Variants in CLUH observed in about 807,000 individuals in gnomAD.
CLUH encodes CLUH binding protein of NUMT mRNA.
Under a neutral mutation model 139.3 loss-of-function variants are expected in CLUH, and 77 were observed. The observed-to-expected ratio is 0.55, with a 90% CI of 0.46 to 0.67. The LOEUF (loss-of-function observed/expected upper bound fraction) is 0.67, where lower values mean the gene tolerates loss of function less well. CLUH is among the 30% of genes least tolerant of loss of function. CLUH has a pLI of 0.00. For missense variants in CLUH, 1,876 were observed against 1,875.8 expected, an observed-to-expected ratio of 1.00 and a Z score of 0.00; for synonymous variants, 999 against 801.6, an observed-to-expected ratio of 1.25 and a Z score of -4.16.
Position 2,696,439 on chromosome 17 carries a change from G to A in CLUH, c.2285C>T (p.Ser762Leu), listed in dbSNP as rs1314142869. ...GGCCGGCCCCCACCACCTGCCTGGT[G>A]AGAAGATGTCAGGATTGAAGCGAAT... ...FDIRFNPDIFSPGVRFPESCQ... is the reference protein window; with the variant it reads ...FDIRFNPDIFLPGVRFPESCQ... Residue 762 changes from serine (S) to leucine (L), a missense_variant, in exon 12 of 26, where the codon TCA (serine) becomes TTA (leucine). Transcript: ENST00000651024. 1.9e-6 allele frequency: 3 copies of A among 1,587,452 alleles called. No homozygotes were observed. The highest frequency in any genetic ancestry group is 1.8e-5 in the Admixed American group (1 of 56,244).
Position 2,691,973 on chromosome 17 carries a change from C to CCCCCGCCCCGCCCCCGCCCCGCCCCGCGG in CLUH, c.3654+30_3654+31insCCGCGGGGCGGGGCGGGGGCGGGGCGGGG, listed in dbSNP as rs755933672. On this transcript the variant is annotated intron_variant, in intron 23 of 25. Coordinates refer to ENST00000651024, the MANE Select transcript of CLUH (RefSeq NM_001366661.1). ...CCCGCCCCGCCACGCCCCCGCCCCG[C>CCCCCGCCCCGCCCCCGCCCCGCCCCGCGG]CCCCGCCCCCGCCACGCCCCCGCCG... is the stretch of plus-strand genomic sequence containing the variant. The CCCCCGCCCCGCCCCCGCCCCGCCCCGCGG allele has an allele frequency of 6.6e-6, 3 of 455,510 alleles. No homozygotes were observed. In the African/African-American group the frequency reaches 1.6e-4, roughly 24 times the overall value. 28.2% of individuals were successfully genotyped at this position (455,510 alleles called of 1,614,324 possible).
At chr17:2,708,514 C>G (rs1714448092) in intron 1 of CLUH, among the ~76,000 whole-genome samples, 1 of 152,060 alleles carries the variant, frequency 6.6e-6, no homozygotes, top group South Asian at 2.1e-4. Context: ...GAAACTGAGG[C>G]TCCAGAAGGC....
intron 8 of CLUH, 44 bp downstream of exon 8, chr17:2,700,634 G>A: frequency 6.6e-7 from 1 of 1,516,640 alleles, no homozygotes. Context: ...CAGCACCCAG[G>A]AGGGCAGGGG....
In CLUH at chr17:2,698,434, T is replaced by C; in HGVS notation, c.1423A>G (p.Lys475Glu). The change falls in exon 10 of 26, where the codon AAG (lysine) becomes GAG (glutamate). Residue 475 changes from lysine (K) to glutamate (E), a missense_variant. Physicochemically the swap from Lys to Glu is moderately conservative, Grantham distance 56 (BLOSUM62 1). This residue lies in a region of CLUH where 1,454 missense variants were observed against 1,384.4 expected (regional missense o/e 1.05). Transcript: ENST00000651024. Reference protein sequence around the residue: ...SLGFDVRDHYKDFGGDVAAYV... With the variant: ...SLGFDVRDHYEDFGGDVAAYV... Reference sequence around the variant, plus strand: ...GCCGCCACGTCCCCCCCGAAGTCCTTGTAGTGGTCTCGGACGTCGAAGCCC... The same window carrying C: ...GCCGCCACGTCCCCCCCGAAGTCCTCGTAGTGGTCTCGGACGTCGAAGCCC... The C allele has an allele frequency of 6.2e-7, 1 of 1,613,292 alleles. No homozygotes were observed. The highest frequency in any genetic ancestry group is 1.3e-5 in the African/African-American group (1 of 75,030).
Position 2,704,442 on chromosome 17 carries a change from C to A in CLUH, c.223G>T (p.Gly75Cys). The change falls in exon 2 of 26, where the codon GGC becomes TGC. Residue 75 changes from glycine (G) to cysteine (C), a missense_variant. By Grantham distance (159) the Gly-to-Cys change is radical. Around this residue, in one of 3 missense-constraint regions of CLUH, gnomAD observed 152 missense variants for 136.7 expected, o/e 1.11. Transcript: ENST00000651024. The surrounding 1 kb of genome is among the most constrained non-coding windows in gnomAD (Gnocchi z 5.7). Reference sequence around the variant, plus strand: ...TCCTGAATGACAATGACTTCCTGGCCGGTGGTCTCATCTCCCGGGCCGGCC... The same window carrying A: ...TCCTGAATGACAATGACTTCCTGGCAGGTGGTCTCATCTCCCGGGCCGGCC... ...DEAGPGDETT[G>C]QEVIVIQDTG... The A allele has an allele frequency of 6.2e-7, 1 of 1,608,886 alleles. No homozygotes were observed. Among genetic ancestry groups the A allele is most frequent in the Non-Finnish European group, 8.5e-7 (1 of 1,177,874 alleles).
rs374090140 is a variant in CLUH, at chr17:2,698,028, G to A, written c.1829C>T (p.Pro610Leu). Residue 610 changes from proline to leucine, a missense_variant, in exon 10 of 26, where the codon CCG becomes CTG. By Grantham distance (98) the Pro-to-Leu change is moderately conservative. This residue lies in a region of CLUH where 1,454 missense variants were observed against 1,384.4 expected (regional missense o/e 1.05). Transcript: ENST00000651024. Reference sequence around the variant, plus strand: ...AGGCACGGGCAGGAAGTTGAGGTCCGGGGGGAAGGTGCGCAGCAGGTCGAG... The same window carrying A: ...AGGCACGGGCAGGAAGTTGAGGTCCAGGGGGAAGGTGCGCAGCAGGTCGAG... ...YILDLLRTFPPDLNFLPVPGE... is the reference protein window; with the variant it reads ...YILDLLRTFPLDLNFLPVPGE... The A allele has an allele frequency of 1.2e-5, 20 of 1,604,168 alleles. No individual in the cohort carries two copies. The highest frequency in any genetic ancestry group is 4.0e-5 in the African/African-American group (3 of 75,016).
chr17:2,700,748 G>A lies in CLUH; in HGVS notation c.1103C>T (p.Ala368Val). Residue 368 changes from alanine to valine, a missense_variant, in exon 8 of 26, where the codon GCC (alanine) becomes GTC (valine). Coordinates refer to ENST00000651024, the MANE Select transcript of CLUH (RefSeq NM_001366661.1). ...YSWTAPQAEH[A>V]MDCVRAEDAY... ...GTCCTCTGCACGCACGCAATCCATG[G>A]CATGCTCCGCCTGGGGGGCTGTCCA... 6.5e-7 allele frequency: 1 copy of A among 1,545,542 alleles called. No individual in the cohort carries two copies.
At position 2,694,867 on chromosome 17, in the gene CLUH, C is replaced by T. The variant is rs374551796; in HGVS notation, c.2842G>A (p.Asp948Asn). 8.4e-5 allele frequency: 112 copies of T among 1,338,796 alleles called. No individual in the cohort carries two copies. The highest frequency in any genetic ancestry group is 2.0e-4 in the Middle Eastern group (1 of 4,992). The allele number at this position is 1,338,796 out of a possible 1,614,324, so 82.9% of individuals were successfully genotyped here. The change falls in exon 16 of 26, where the codon GAC (aspartate) becomes AAC (asparagine). Residue 948 changes from aspartate (D) to asparagine (N), a missense_variant. Asp to Asn is a conservative substitution (Grantham distance 23, BLOSUM62 1). Around this residue, in one of 3 missense-constraint regions of CLUH, gnomAD observed 1,454 missense variants for 1,384.4 expected, o/e 1.05. Coordinates refer to ENST00000651024, the MANE Select transcript of CLUH (RefSeq NM_001366661.1). ...CQEAKNYFDF[D>N]LECETVDQAV... ...CTGCCCCGCACGCACCACTCGAGGT[C>T]GAAGTCAAAGTAGTTCTTGGCCTCC...
intron 10 of CLUH, 48 bp from the exon 11 acceptor site, chr17:2,696,990 G>A (rs1272565091): frequency 2.1e-6 from 3 of 1,423,794 alleles, no homozygotes; most frequent in Admixed American, 2.4e-5. Flanking sequence ...ATCGGGGAGA[G>A]GAGCTCTGCT....
intron 9 of CLUH, among the ~76,000 whole-genome samples, chr17:2,699,739 C>A (rs2070107810): frequency 6.6e-6 from 1 of 151,830 alleles, no homozygotes; most frequent in South Asian, 2.1e-4. Flanking sequence ...TCAAGCAATT[C>A]TCCTGTCTCA....
In CLUH at chr17:2,696,228, T is replaced by C. The variant is rs2069935979; in HGVS notation, c.2322A>G (p.Glu774=). 4.4e-6 allele frequency: 7 copies of C among 1,576,264 alleles called. No homozygotes were observed. Among genetic ancestry groups the C allele is most frequent in the Non-Finnish European group, 6.0e-6 (7 of 1,161,618 alleles). Residue 774 remains glutamate, a synonymous_variant, in exon 13 of 26, where the codon GAA becomes GAG. Transcript: ENST00000651024. ...TCAGCAGCTGCTTCTGGTCCCGAAC[T>C]TCATCCTGGCAGGACTCAGGGAAAC... ...GVRFPESCQD[E]VRDQKQLLKD... is the part of the protein sequence containing the mutation.
rs914901397 is a variant in CLUH, at chr17:2,707,757, C to T, written c.101-3193G>A. On this transcript the variant is annotated intron_variant, in intron 1 of 25. Transcript: ENST00000651024. This position sits in a 1 kb window ranked among gnomAD's most constrained non-coding sequence, Gnocchi z 7.4. ...CCAGGCCATAAGGTGGCTGCCTCTG[C>T]CCACCAGTCCCAGACACTGAGCACC... 6.1e-6 allele frequency: 6 copies of T among 985,338 alleles called. No individual in the cohort carries two copies. Among genetic ancestry groups the T allele is most frequent in the African/African-American group, 1.7e-5 (1 of 57,254 alleles). 61.0% of individuals were successfully genotyped at this position (985,338 alleles called of 1,614,324 possible). A position where few individuals can be genotyped will look rare whatever the true frequency, so the allele number is the denominator to read the frequency against.
Position 2,711,736 on chromosome 17 carries a change from G to C in CLUH, c.-75C>G, listed in dbSNP as rs1431917783. ...CACTAACCCAAGTGCCCTGCGCGCC[G>C]CGGCTGCTGAGGGAAGGACGGAGTC... On this transcript the variant is annotated 5_prime_UTR_variant, in exon 1 of 26. Coordinates refer to ENST00000651024, the MANE Select transcript of CLUH (RefSeq NM_001366661.1). 3 of 623,678 alleles carry C rather than the reference G, an allele frequency of 4.8e-6. No homozygotes were observed. The highest frequency in any genetic ancestry group is 6.0e-6 in the Non-Finnish European group (3 of 499,570). 38.6% of individuals were successfully genotyped at this position (623,678 alleles called of 1,614,324 possible).
Position 2,701,346 on chromosome 17 carries a change from G to A in CLUH, c.899+20C>T. On this transcript the variant is annotated intron_variant, in intron 6 of 25. Coordinates refer to ENST00000651024, the MANE Select transcript of CLUH (RefSeq NM_001366661.1). The stretch of plus-strand genomic sequence containing the variant: ...ACGGCTGGCACGGCAGGGGGGTGTG[G>A]TGGGCTGGCAGGGACTCACTGATTC... 3.1e-6 allele frequency: 5 copies of A among 1,605,596 alleles called. No individual in the cohort carries two copies. The highest frequency in any genetic ancestry group is 1.3e-5 in the African/African-American group (1 of 74,906).
intron 10 of CLUH, 70 bp downstream of exon 10, chr17:2,697,826 C>G: frequency 7.2e-7 from 1 of 1,383,564 alleles, no homozygotes; most frequent in Non-Finnish European, 9.5e-7. Flanking sequence ...GACCCAACCC[C>G]GGATCCACCC....
At position 2,689,469 on chromosome 17, in the gene CLUH, G is replaced by A. The variant is rs989575734; in HGVS notation, c.*1125C>T. The A allele has an allele frequency of 5.9e-5, 9 of 152,692 alleles. No individual in the cohort carries two copies. The highest frequency in any genetic ancestry group is 2.2e-4 in the African/African-American group (9 of 41,460). 9.5% of individuals were successfully genotyped at this position (152,692 alleles called of 1,614,324 possible). A position where few individuals can be genotyped will look rare whatever the true frequency, so the allele number is the denominator to read the frequency against. ...AAACAAGAAAAAGTTCTTGCTCAGC[G>A]GTGGGGATGCTCTGCTTGCCCGCTC... On this transcript the variant is annotated 3_prime_UTR_variant, in exon 26 of 26. Coordinates refer to ENST00000651024, the MANE Select transcript of CLUH (RefSeq NM_001366661.1).
chr17:2,696,624 G>A (rs936328475), intron 11 of CLUH, 86 bp from the exon 12 acceptor site: 1 of 1,542,388 alleles, frequency 6.5e-7, no homozygotes, highest in African/African-American at 1.4e-5. Flanking sequence ...CTAGCTCCTT[G>A]CAGAGATGTC....
Position 2,700,402 on chromosome 17 carries a change from G to T in CLUH, c.1246C>A (p.Arg416=). 6.2e-7 allele frequency: 1 copy of T among 1,613,070 alleles called. No individual in the cohort carries two copies. The highest frequency in any genetic ancestry group is 8.5e-7 in the Non-Finnish European group (1 of 1,179,752). ...PRKNLPERLL[R]ERAIFKVHSD... Reference sequence around the variant, plus strand: ...GGCACCTTGAATATGGCCCTTTCTCGGAGCAGCCGCTCAGGCAGGTTCTTG... The same window carrying T: ...GGCACCTTGAATATGGCCCTTTCTCTGAGCAGCCGCTCAGGCAGGTTCTTG... Residue 416 remains arginine, a synonymous_variant, in exon 9 of 26, where the codon CGA becomes AGA. Coordinates refer to ENST00000651024, the MANE Select transcript of CLUH (RefSeq NM_001366661.1).
chr17:2,696,083 G>A, intron 13 of CLUH, 76 bp downstream of exon 13: 1 of 1,207,512 alleles, frequency 8.3e-7, no homozygotes, highest in South Asian at 1.3e-5. Context: ...GTGTTCATGG[G>A]CCTCCAAGTC....
Sources: gnomAD v4.1 joint callset for allele counts (sites outside exome capture counted in the v4.1 genomes callset) on GRCh38, gnomAD v4.1.1 for gene constraint, gnomAD v4.1.1 regional missense constraint, Gnocchi (gnomAD v3.1) non-coding constraint, MANE v1.5 for transcripts, NCBI Gene and HGNC (gene_info 2026-07-23, HGNC 2026-07-21) for gene names.